HCN1: variants seen among roughly 807,000 people sequenced by gnomAD.
HCN1 encodes the protein hyperpolarization activated cyclic nucleotide gated potassium channel 1, also known as potassium/sodium hyperpolarization-activated cyclic nucleotide-gated channel 1.
A neutral mutation model predicts 78.9 loss-of-function variants in HCN1; 13 were observed. The ratio of observed to expected loss-of-function variants is 0.16; its 90% CI spans 0.11 to 0.26. The LOEUF is 0.26. Ranked by LOEUF, HCN1 falls within the 10% of genes least tolerant of loss-of-function variation. HCN1 has a pLI of 1.00. For synonymous variants in HCN1, 552 were observed against 455.5 expected (o/e 1.21, Z -2.70); for missense variants, 810 against 1,154.3 (o/e 0.70, Z 4.32).
intron 4 of HCN1, among the ~76,000 whole-genome samples, chr5:45,358,636 C>G (rs1465450435): frequency 6.6e-6 from 1 of 151,894 alleles, no homozygotes; most frequent in African/African-American, 2.4e-5. Flanking sequence ...AATTGTCACC[C>G]CTAAAGGAAA....
At chr5:45,371,083 G>A (rs888057986) in intron 4 of HCN1, among the ~76,000 whole-genome samples, 4 of 151,966 alleles carry the variant, frequency 2.6e-5, no homozygotes, top group Non-Finnish European at 5.9e-5. Context: ...TTGAAAAGCA[G>A]TCTTAAGATA....
rs1740033131 is a variant in HCN1, at chr5:45,411,981, G to A, written c.1012-15271C>T. On this transcript the variant is annotated intron_variant, in intron 3 of 7. Transcript: ENST00000303230. ...CCACAAATTGGCAGACTAACTTTAA[G>A]GAATATATCCAGACAGATCATAAAG... Among the ~76,000 whole-genome samples the A allele has an allele frequency of 2.0e-5, 3 of 152,038 alleles. No individual in the cohort carries two copies. The South Asian group carries it at 6.2e-4, about 32-fold the overall frequency.
In HCN1 at chr5:45,304,297, GTT is replaced by G. The variant is rs60299810; in HGVS notation, c.1378-460_1378-459del. On this transcript the variant is annotated intron_variant, in intron 5 of 7. Coordinates refer to ENST00000303230, the MANE Select transcript of HCN1 (RefSeq NM_021072.4). ...AGCTACCAGACAAAAACATTTTGAT[GTT>G]TTTTTTTTTTGTTAGTGTCATTCAC... Among the ~76,000 whole-genome samples the G allele has an allele frequency of 1.3e-4, 19 of 145,482 alleles. No homozygotes were observed. The South Asian group carries it at 1.7e-3, about 13-fold the overall frequency.
chr5:45,331,972 G>T (rs1489732663), intron 5 of HCN1, among the ~76,000 whole-genome samples: 1 of 151,446 alleles, frequency 6.6e-6, no homozygotes, highest in Non-Finnish European at 1.5e-5. Context: ...TGAAGCTCTA[G>T]CTATATAAGT....
At chr5:45,324,228 A>T (rs1281067408) in intron 5 of HCN1, among the ~76,000 whole-genome samples, 1 of 151,814 alleles carries the variant, frequency 6.6e-6, no homozygotes, top group Non-Finnish European at 1.5e-5. Context: ...AACCTACAGA[A>T]TGGGAGAAAA....
intron 2 of HCN1, among the ~76,000 whole-genome samples, chr5:45,530,281 A>T (rs1315185481): frequency 6.6e-6 from 1 of 152,076 alleles, no homozygotes; most frequent in African/African-American, 2.4e-5. Flanking sequence ...GAACACACTA[A>T]AACAAAAATA....
At position 45,255,672 on chromosome 5, in the gene HCN1, T is replaced by C. The variant is rs888640874; in HGVS notation, c.*6249A>G. ...CTTGGAAACTAAGACCTTGAACAAA[T>C]ATGAGAAAGAAATGAGAATACATTT... On this transcript the variant is annotated 3_prime_UTR_variant, in exon 8 of 8. Transcript: ENST00000303230. 2.6e-5 allele frequency: 4 copies of C among 152,208 alleles called. No homozygotes were observed. Among genetic ancestry groups the C allele is most frequent in the African/African-American group, 9.6e-5 (4 of 41,460 alleles). The allele number at this position is 152,208 out of a possible 1,614,324, so 9.4% of individuals were successfully genotyped here.
At chr5:45,407,792 G>A (rs896900872) in intron 3 of HCN1, among the ~76,000 whole-genome samples, 1 of 152,086 alleles carries the variant, frequency 6.6e-6, no homozygotes, top group Non-Finnish European at 1.5e-5. Context: ...TTACAAGCGT[G>A]AGCCACCATG....
At position 45,658,718 on chromosome 5, in the gene HCN1, T is replaced by G. The variant is rs1250912173; in HGVS notation, c.426-13110A>C. On this transcript the variant is annotated intron_variant, in intron 1 of 7. Transcript: ENST00000303230. ...GGACGCACCTGGAAAATCGGGTCAC[T>G]CCCACCCGAATATTGCACTTTTCAG... 2.0e-5 allele frequency among the ~76,000 whole-genome samples: 3 copies of G among 151,600 alleles called. No homozygotes were observed. The East Asian group carries it at 5.9e-4, about 30-fold the overall frequency.
At chr5:45,641,838 C>T (rs1323053377) in intron 2 of HCN1, 3 of 152,112 alleles carry the variant, frequency 2.0e-5, no homozygotes, top group South Asian at 2.1e-4. Flanking sequence ...TCACTAAGCC[C>T]TTAATCTACT....
chr5:45,355,269 C>T (rs1197308765), intron 4 of HCN1, among the ~76,000 whole-genome samples: 1 of 151,952 alleles, frequency 6.6e-6, no homozygotes. Context: ...CATTCATTGA[C>T]TCATAGTAAC....
At chr5:45,390,891 T>C (rs1055110126) in intron 4 of HCN1, among the ~76,000 whole-genome samples, 2 of 152,176 alleles carry the variant, frequency 1.3e-5, no homozygotes, top group African/African-American at 2.4e-5. Context: ...CCTGATTTGC[T>C]AGCAACTCCA....
chr5:45,364,081 T>A (rs371320987), intron 4 of HCN1, among the ~76,000 whole-genome samples: 11 of 152,104 alleles, frequency 7.2e-5, no homozygotes, highest in African/African-American at 2.7e-4. Flanking sequence ...TCCTAAGACA[T>A]CTTTTCCTGT....
At chr5:45,524,572 T>C (rs1369572379) in intron 2 of HCN1, among the ~76,000 whole-genome samples, 12 of 152,054 alleles carry the variant, frequency 7.9e-5, no homozygotes, top group African/African-American at 2.4e-4. Context: ...AGGTCCTTCA[T>C]GTCCCTTGTA....
intron 5 of HCN1, among the ~76,000 whole-genome samples, chr5:45,343,597 A>T (rs2111968221): frequency 6.6e-6 from 1 of 152,292 alleles, no homozygotes; most frequent in East Asian, 1.9e-4. Flanking sequence ...ATGACTAAAG[A>T]ATGTACAGAG....
chr5:45,535,586 A>T (rs1197685238), intron 2 of HCN1, among the ~76,000 whole-genome samples: 1 of 152,120 alleles, frequency 6.6e-6, no homozygotes, highest in African/African-American at 2.4e-5. Context: ...GAACAGAGCC[A>T]GACACCATTT....
intron 2 of HCN1, among the ~76,000 whole-genome samples, chr5:45,480,738 T>C (rs1741632012): frequency 6.6e-6 from 1 of 152,174 alleles, no homozygotes; most frequent in Non-Finnish European, 1.5e-5. Context: ...TTTTCTACTT[T>C]AGTCCCTGAT....
At chr5:45,643,716 A>T (rs781137199) in intron 2 of HCN1, 1 of 152,120 alleles carries the variant, frequency 6.6e-6, no homozygotes, top group Non-Finnish European at 1.5e-5. Context: ...AATTATATTT[A>T]CATCTTTGTG....
intron 6 of HCN1, among the ~76,000 whole-genome samples, chr5:45,271,253 G>C (rs940645999): frequency 1.3e-5 from 2 of 151,846 alleles, no homozygotes; most frequent in African/African-American, 4.8e-5. Context: ...TAGTTTGTGG[G>C]ATCAACACTG....
Sources: allele counts gnomAD v4.1 joint callset (sites outside exome capture counted in the v4.1 genomes callset), GRCh38; gene constraint gnomAD v4.1.1; transcripts MANE v1.5; gene names NCBI Gene and HGNC (gene_info 2026-07-23, HGNC 2026-07-21).